The following CGNL1 variants were observed in gnomAD, a reference collection of about 807,000 sequenced individuals.
The protein encoded by CGNL1 is cingulin like 1.
CGNL1 carries 132 observed loss-of-function variants against 141.2 expected under a neutral mutation model. That is an observed-to-expected ratio of 0.93 (90% confidence interval 0.81 to 1.08). The LOEUF is 1.08. CGNL1 is among the 50% of genes least tolerant of loss of function. The pLI is 0.00. For missense variants in CGNL1, 1,870 were observed against 1,588.6 expected (o/e 1.18, Z -3.01); for synonymous variants, 690 against 622.1 (o/e 1.11, Z -1.63).
At chr15:57,437,892 T>G in intron 1 of CGNL1, 93 bp from the exon 2 acceptor site, 1 of 1,208,532 alleles carries the variant, frequency 8.3e-7, no homozygotes, top group South Asian at 1.5e-5. Flanking sequence ...TCTTTGAACT[T>G]TGAAGTTTCC....
chr15:57,419,908 A>T (rs1421674583), intron 1 of CGNL1, among the ~76,000 whole-genome samples: 1 of 152,154 alleles, frequency 6.6e-6, no homozygotes, highest in South Asian at 2.1e-4. Flanking sequence ...AATTATTTGG[A>T]ATTCTGCATG....
intron 8 of CGNL1, among the ~76,000 whole-genome samples, chr15:57,464,735 T>G (rs1327675985): frequency 7.9e-6 from 1 of 125,804 alleles, no homozygotes; most frequent in Non-Finnish European, 1.7e-5. Context: ...CTTTCCTTCT[T>G]TCTTTCTTTC....
chr15:57,484,913 T>A (rs956353634), intron 8 of CGNL1, among the ~76,000 whole-genome samples: 2 of 151,758 alleles, frequency 1.3e-5, no homozygotes, highest in Admixed American at 1.3e-4. Flanking sequence ...AATCAGTTTC[T>A]CGTTTCATTG....
In CGNL1 at chr15:57,467,078, G is replaced by T. The variant is rs564274073; in HGVS notation, c.2403+5186G>T. Among the ~76,000 whole-genome samples, 15 of 152,266 alleles carry T rather than the reference G, an allele frequency of 9.9e-5. No individual in the cohort carries two copies. The South Asian group carries it at 3.1e-3, about 32-fold the overall frequency. ...TCCGTTTGCATTATTTTTAAATACA[G>T]CACCTTACAAACTGATTTACTGAGC... On this transcript the variant is annotated intron_variant, in intron 8 of 18. Coordinates refer to ENST00000281282, the MANE Select transcript of CGNL1 (RefSeq NM_032866.5).
chr15:57,472,665 G>A (rs2063597625), intron 8 of CGNL1, among the ~76,000 whole-genome samples: 1 of 152,100 alleles, frequency 6.6e-6, no homozygotes, highest in African/African-American at 2.4e-5. Flanking sequence ...GACTCCTGTG[G>A]AGAAAGGGAT....
At chr15:57,529,559 AACACACACACACACAC>A (rs10593466) in intron 13 of CGNL1, among the ~76,000 whole-genome samples, 75 of 137,984 alleles carry the variant, frequency 5.4e-4, no homozygotes, top group East Asian at 4.3e-3. Flanking sequence ...AACCCCCAGA[AACACACACACACACAC>A]ACACACACAC....
At chr15:57,446,396 T>C (rs2063251979) in intron 4 of CGNL1, among the ~76,000 whole-genome samples, 1 of 152,176 alleles carries the variant, frequency 6.6e-6, no homozygotes. Context: ...CTGGGGGTGA[T>C]CATATCGTGA....
chr15:57,545,712 CT>C lies in CGNL1; in HGVS notation c.3609+13del. 6.2e-7 allele frequency: 1 copy of C among 1,600,328 alleles called. No individual in the cohort carries two copies. The highest frequency in any genetic ancestry group is 8.5e-7 in the Non-Finnish European group (1 of 1,170,406). On this transcript the variant is annotated intron_variant, in intron 17 of 18. Transcript: ENST00000281282. ...ATCAGAAGGACCAGGTGGGGAGCCT[CT>C]GCGTGCATTTGCTCTTAGATGAGAT... is the stretch of plus-strand genomic sequence containing the variant.
intron 8 of CGNL1, among the ~76,000 whole-genome samples, chr15:57,466,149 T>G (rs1158968116): frequency 6.6e-6 from 1 of 152,216 alleles, no homozygotes; most frequent in African/African-American, 2.4e-5. Context: ...GGAGAGTATA[T>G]CTACCAAACA....
At chr15:57,516,597 G>A (rs2030817109) in intron 8 of CGNL1, among the ~76,000 whole-genome samples, 183 bp from the exon 9 acceptor site, 1 of 152,174 alleles carries the variant, frequency 6.6e-6, no homozygotes, top group African/African-American at 2.4e-5. Flanking sequence ...ATAACACTGC[G>A]CTTTTCAAAA....
intron 8 of CGNL1, among the ~76,000 whole-genome samples, chr15:57,488,197 C>T (rs1325352276): frequency 6.6e-6 from 1 of 152,048 alleles, no homozygotes; most frequent in Non-Finnish European, 1.5e-5. Context: ...GTTTGTATGT[C>T]TTCTTTGGAG....
At chr15:57,516,758 A>T in intron 8 of CGNL1, 22 bp from the exon 9 acceptor site, 4 of 1,611,824 alleles carry the variant, frequency 2.5e-6, no homozygotes, top group Non-Finnish European at 3.4e-6. Flanking sequence ...CTCCTTGTTC[A>T]TTTGCTTTGT....
At chr15:57,479,579 G>A (rs1289842866) in intron 8 of CGNL1, among the ~76,000 whole-genome samples, 6 of 152,166 alleles carry the variant, frequency 3.9e-5, no homozygotes, top group African/African-American at 1.2e-4. Context: ...CAGGAGAATC[G>A]CTTAAACGCA....
chr15:57,433,436 C>T (rs1490106483), intron 1 of CGNL1, among the ~76,000 whole-genome samples: 1 of 152,142 alleles, frequency 6.6e-6, no homozygotes. Context: ...GCAGTGGAGG[C>T]TTTGGTGGCA....
In CGNL1 at chr15:57,391,948, A is replaced by G. The variant is rs539630460; in HGVS notation, c.-16+15381A>G. Among the ~76,000 whole-genome samples the G allele has an allele frequency of 6.5e-4, 86 of 132,994 alleles. 1 individual carries two copies. The highest frequency in any genetic ancestry group is 2.3e-3 in the African/African-American group (77 of 33,816). The allele number at this position is 132,994 out of a possible 152,430, so 87.2% of individuals were successfully genotyped here. A position where few individuals can be genotyped will look rare whatever the true frequency, so the allele number is the denominator to read the frequency against. Reference sequence around the variant, plus strand: ...TGAGATCCCATTTTTTTGTTCGCAAAAATAAACACCTTCACATTTTTCTTT... The same window carrying G: ...TGAGATCCCATTTTTTTGTTCGCAAGAATAAACACCTTCACATTTTTCTTT... On this transcript the variant is annotated intron_variant, in intron 1 of 18. Coordinates refer to ENST00000281282, the MANE Select transcript of CGNL1 (RefSeq NM_032866.5).
At chr15:57,528,148 T>C (rs1196960290) in intron 12 of CGNL1, among the ~76,000 whole-genome samples, 1 of 151,918 alleles carries the variant, frequency 6.6e-6, no homozygotes, top group Non-Finnish European at 1.5e-5. Flanking sequence ...TCCCAGCTAC[T>C]TGGGAGGCTG....
At chr15:57,522,473 A>G (rs1461379469) in intron 10 of CGNL1, among the ~76,000 whole-genome samples, 1 of 152,192 alleles carries the variant, frequency 6.6e-6, no homozygotes, top group Non-Finnish European at 1.5e-5. Flanking sequence ...CACTGCAGGG[A>G]CACAAGACTG....
chr15:57,412,772 A>T (rs970262132), intron 1 of CGNL1, among the ~76,000 whole-genome samples: 3 of 152,224 alleles, frequency 2.0e-5, no homozygotes, highest in African/African-American at 7.2e-5. Context: ...CATGACAACC[A>T]TTCTGGTATT....
At chr15:57,417,086 G>A (rs1213165100) in intron 1 of CGNL1, among the ~76,000 whole-genome samples, 5 of 152,130 alleles carry the variant, frequency 3.3e-5, no homozygotes, top group African/African-American at 9.7e-5. Context: ...CTTACCTGGC[G>A]GGGTTGCTGA....
Sources: gnomAD v4.1 joint callset for allele counts (sites outside exome capture counted in the v4.1 genomes callset) on GRCh38, gnomAD v4.1.1 for gene constraint, MANE v1.5 for transcripts, NCBI Gene and HGNC (gene_info 2026-07-23, HGNC 2026-07-21) for gene names.